Variants in ZNF583 observed in about 807,000 individuals in gnomAD.
The protein encoded by ZNF583 is zinc finger protein L3-5.
In ZNF583, 30 loss-of-function variants were observed where a neutral mutation model predicts 55.3. The ratio of observed to expected loss-of-function variants is 0.54; its 90% CI spans 0.41 to 0.74. ZNF583 has a LOEUF of 0.74. Ranked by LOEUF, ZNF583 falls within the 30% of genes least tolerant of loss-of-function variation. The pLI, the probability that ZNF583 is intolerant of heterozygous loss-of-function variation, is 0.00. For synonymous variants in ZNF583, 208 were observed against 220.0 expected (o/e 0.95, Z 0.48); for missense variants, 504 against 664.7 (o/e 0.76, Z 2.66).
At chr19:56,414,918 A>G (rs1434024079) in intron 4 of ZNF583, 1 of 150,270 alleles carries the variant, frequency 6.7e-6, no homozygotes, top group African/African-American at 2.5e-5. Flanking sequence ...CTGTAATCCC[A>G]TCTATGTGGG....
chr19:56,424,386 C>G lies in ZNF583; in HGVS notation c.*18C>G. The stretch of plus-strand genomic sequence containing the variant: ...TCTCCTGAATATTTCTGGAATCCAC[C>G]TCTTGAATCCATTTCCATCCCATCA... On this transcript the variant is annotated 3_prime_UTR_variant, in exon 5 of 5. Transcript: ENST00000333201. 9.6e-7 allele frequency: 1 copy of G among 1,040,424 alleles called. No homozygotes were observed. The highest frequency in any genetic ancestry group is 1.5e-6 in the Non-Finnish European group (1 of 681,060). The allele number at this position is 1,040,424 out of a possible 1,614,324, so 64.4% of individuals were successfully genotyped here. A position where few individuals can be genotyped will look rare whatever the true frequency, so the allele number is the denominator to read the frequency against.
chr19:56,404,710 G>C lies in ZNF583; in HGVS notation c.-90+258G>C, dbSNP rs1339415928. Among the ~76,000 whole-genome samples, 1 of 152,174 alleles carries C rather than the reference G, an allele frequency of 6.6e-6. No individual in the cohort carries two copies. The highest frequency in any genetic ancestry group is 1.5e-5 in the Non-Finnish European group (1 of 68,036). On this transcript the variant is annotated intron_variant, in intron 1 of 4. Coordinates refer to ENST00000333201, the MANE Select transcript of ZNF583 (RefSeq NM_152478.3). The surrounding 1 kb of genome is among the most constrained non-coding windows in gnomAD (Gnocchi z 5.2). ...GTGGGACAAATGTGGGACTATGTGTGACAGTATGAGACTGGGTGTGAGAAT... is the reference window on the plus strand; with the variant it reads ...GTGGGACAAATGTGGGACTATGTGTCACAGTATGAGACTGGGTGTGAGAAT...
chr19:56,421,166 C>CT (rs2042409001), intron 4 of ZNF583, among the ~76,000 whole-genome samples: 1 of 152,148 alleles, frequency 6.6e-6, no homozygotes, highest in Admixed American at 6.5e-5. Flanking sequence ...ATCAAAAACT[C>CT]TGTGTGTGGG....
chr19:56,418,555 T>A (rs929986279), intron 4 of ZNF583, among the ~76,000 whole-genome samples: 1 of 152,214 alleles, frequency 6.6e-6, no homozygotes, highest in African/African-American at 2.4e-5. Context: ...CAATTCAGTT[T>A]TCTAATAGTT....
chr19:56,420,108 A>AT (rs1410659505), intron 4 of ZNF583, among the ~76,000 whole-genome samples: 3 of 152,170 alleles, frequency 2.0e-5, no homozygotes, highest in Admixed American at 2.0e-4. Flanking sequence ...TTTTAGCTGT[A>AT]TCCCACAGAT....
At chr19:56,405,287 G>A (rs1400125682) in intron 1 of ZNF583, among the ~76,000 whole-genome samples, 1 of 152,220 alleles carries the variant, frequency 6.6e-6, no homozygotes, top group Admixed American at 6.5e-5. Flanking sequence ...AGCACTGTAT[G>A]TCATCCCGAC....
At position 56,424,014 on chromosome 19, in the gene ZNF583, A is replaced by G. The variant is rs746888668; in HGVS notation, c.1356A>G (p.Ala452=). 10 of 1,613,900 alleles carry G rather than the reference A, an allele frequency of 6.2e-6. No homozygotes were observed. Among genetic ancestry groups the G allele is most frequent in the Non-Finnish European group, 7.6e-6 (9 of 1,179,978 alleles). The change falls in exon 5 of 5, where the codon GCA becomes GCG. Residue 452 remains alanine, a synonymous_variant. Transcript: ENST00000333201. ...CCTTTAGCAATAGTTCATCACTTGC[A>G]CAACATCAGAGAAGTCATACTGGAG... ...GKAFSNSSSL[A]QHQRSHTGEK... is the part of the protein sequence containing the mutation.
At chr19:56,409,097 T>G (rs550792029) in intron 2 of ZNF583, among the ~76,000 whole-genome samples, 98 of 152,296 alleles carry the variant, frequency 6.4e-4, no homozygotes, top group Non-Finnish European at 1.1e-3. Flanking sequence ...AAACAGCCTA[T>G]CACTCTTAAT....
At position 56,404,656 on chromosome 19, in the gene ZNF583, T is replaced by G. The variant is rs1402992219; in HGVS notation, c.-90+204T>G. On this transcript the variant is annotated intron_variant, in intron 1 of 4. Coordinates refer to ENST00000333201, the MANE Select transcript of ZNF583 (RefSeq NM_152478.3). This position sits in a 1 kb window ranked among gnomAD's most constrained non-coding sequence, Gnocchi z 5.2. ...GACAGTGTGAGAATGTGAGGCCGTG[T>G]GTGAATATGTGTGTCAGTGTGAGAC... Among the ~76,000 whole-genome samples, 1 of 152,030 alleles carries G rather than the reference T, an allele frequency of 6.6e-6. No homozygotes were observed. Among genetic ancestry groups the G allele is most frequent in the African/African-American group, 2.4e-5 (1 of 41,392 alleles).
At chr19:56,405,673 T>G (rs1258681365) in intron 1 of ZNF583, among the ~76,000 whole-genome samples, 1 of 152,070 alleles carries the variant, frequency 6.6e-6, no homozygotes, top group Non-Finnish European at 1.5e-5. Context: ...TCTCAGTCTC[T>G]GGGGGCACGT....
chr19:56,414,283 G>T, intron 3 of ZNF583, 62 bp from the exon 4 acceptor site: 1 of 1,570,568 alleles, frequency 6.4e-7, no homozygotes, highest in South Asian at 1.1e-5. Flanking sequence ...CCTTCTTGAT[G>T]ATGCAGAAAC....
chr19:56,420,312 G>T (rs2042394228), intron 4 of ZNF583, among the ~76,000 whole-genome samples: 1 of 152,090 alleles, frequency 6.6e-6, no homozygotes, highest in Non-Finnish European at 1.5e-5. Context: ...TCGGTACTTT[G>T]GGATTTATGG....
intron 2 of ZNF583, among the ~76,000 whole-genome samples, chr19:56,412,320 G>A (rs542945425): frequency 6.6e-6 from 1 of 152,202 alleles, no homozygotes; most frequent in African/African-American, 2.4e-5. Flanking sequence ...TAAGTCTTGA[G>A]CTGATTTATC....
chr19:56,406,745 T>C (rs2042158012), intron 1 of ZNF583, among the ~76,000 whole-genome samples: 1 of 152,114 alleles, frequency 6.6e-6, no homozygotes, highest in Non-Finnish European at 1.5e-5. Context: ...GCCAGGATGG[T>C]CTCGATCTCC....
intron 2 of ZNF583, among the ~76,000 whole-genome samples, chr19:56,412,161 A>G (rs1043090250): frequency 7.9e-5 from 12 of 152,214 alleles, no homozygotes; most frequent in African/African-American, 2.7e-4. Context: ...CTGTTTATCA[A>G]TGAGTGTGGC....
In ZNF583 at chr19:56,425,589, AAAG is replaced by A. The variant is rs1397260210; in HGVS notation, c.*1224_*1226del. Reference sequence around the variant, plus strand: ...TAAACAAAGGCAAAATCGAAATTAAAAAGAAATCTTGAAACAAGTCAGTAACCA... The same window carrying A: ...TAAACAAAGGCAAAATCGAAATTAAAAAATCTTGAAACAAGTCAGTAACCA... On this transcript the variant is annotated 3_prime_UTR_variant, in exon 5 of 5. Coordinates refer to ENST00000333201, the MANE Select transcript of ZNF583 (RefSeq NM_152478.3). The A allele has an allele frequency of 1.3e-5, 2 of 152,354 alleles. No homozygotes were observed. Among genetic ancestry groups the A allele is most frequent in the East Asian group, 3.9e-4 (2 of 5,192 alleles). The allele number at this position is 152,354 out of a possible 1,614,324, so 9.4% of individuals were successfully genotyped here.
At chr19:56,408,796 C>T (rs2042194712) in intron 2 of ZNF583, among the ~76,000 whole-genome samples, 1 of 152,204 alleles carries the variant, frequency 6.6e-6, no homozygotes, top group Non-Finnish European at 1.5e-5. Context: ...GCCTTCCTAT[C>T]TTACTTGGAA....
rs950113746 is a variant in ZNF583 at position 56,404,681 on chromosome 19, C to T, written c.-90+229C>T. 1.3e-5 allele frequency among the ~76,000 whole-genome samples: 2 copies of T among 151,704 alleles called. No individual in the cohort carries two copies. Among genetic ancestry groups the T allele is most frequent in the African/African-American group, 4.8e-5 (2 of 41,284 alleles). ...TGTGAATATGTGTGTCAGTGTGAGA[C>T]CATGTGGGACAAATGTGGGACTATG... On this transcript the variant is annotated intron_variant, in intron 1 of 4. Coordinates refer to ENST00000333201, the MANE Select transcript of ZNF583 (RefSeq NM_152478.3). The surrounding 1 kb of genome is among the most constrained non-coding windows in gnomAD (Gnocchi z 5.2).
chr19:56,408,539 A>G (rs559533531), intron 2 of ZNF583, among the ~76,000 whole-genome samples: 7 of 152,218 alleles, frequency 4.6e-5, no homozygotes, highest in Non-Finnish European at 1.0e-4. Context: ...GAAGATAATT[A>G]TGGGTGATCT....
Sources: allele counts gnomAD v4.1 joint callset (sites outside exome capture counted in the v4.1 genomes callset), GRCh38; gene constraint gnomAD v4.1.1; non-coding constraint Gnocchi (gnomAD v3.1); transcripts MANE v1.5; gene names NCBI Gene and HGNC (gene_info 2026-07-23, HGNC 2026-07-21).